The following AGAP1 variants were observed in gnomAD, a reference collection of about 807,000 sequenced individuals.
AGAP1 encodes the protein arf-GAP with GTPase, ANK repeat and PH domain-containing protein 1.
Under a neutral mutation model 105.3 loss-of-function variants are expected in AGAP1, and 29 were observed. The observed-to-expected ratio is 0.28, with a 90% CI of 0.21 to 0.38. AGAP1 has a LOEUF of 0.38. AGAP1 is among the 10% of genes least tolerant of loss of function. AGAP1 has a pLI of 1.00. For synonymous variants in AGAP1, 509 were observed against 485.9 expected, an observed-to-expected ratio of 1.05 and a Z score of -0.63; for missense variants, 998 against 1,165.1, an observed-to-expected ratio of 0.86 and a Z score of 2.09.
chr2:235,851,437 G>A (rs548833838), intron 9 of AGAP1, among the ~76,000 whole-genome samples: 41 of 152,276 alleles, frequency 2.7e-4, no homozygotes, highest in African/African-American at 9.1e-4. Flanking sequence ...AACTTCACCC[G>A]TCCACCAACG....
In AGAP1 at chr2:235,584,193, C is replaced by CTTTTTT. The variant is rs11447483; in HGVS notation, c.163+89355_163+89360dup. Among the ~76,000 whole-genome samples the CTTTTTT allele has an allele frequency of 2.2e-4, 31 of 139,986 alleles. 7 individuals carry two copies. Among genetic ancestry groups the CTTTTTT allele is most frequent in the Non-Finnish European group, 1.8e-4 (12 of 64,934 alleles). The allele number at this position is 139,986 out of a possible 152,430, so 91.8% of individuals were successfully genotyped here. ...TTGAAGCATGACCCTCAATAAACCA[C>CTTTTTT]TTTTTTTTTTTTTTTTGCATGGAAA... On this transcript the variant is annotated intron_variant, in intron 1 of 17. Transcript: ENST00000304032.
intron 9 of AGAP1, among the ~76,000 whole-genome samples, chr2:235,828,010 G>A (rs1163848076): frequency 6.6e-6 from 1 of 152,204 alleles, no homozygotes; most frequent in Non-Finnish European, 1.5e-5. Flanking sequence ...GGTCCTGACG[G>A]TGCAGTAGGG....
At chr2:235,844,640 T>C (rs1575600741) in intron 9 of AGAP1, among the ~76,000 whole-genome samples, 1 of 152,134 alleles carries the variant, frequency 6.6e-6, no homozygotes, top group African/African-American at 2.4e-5. Flanking sequence ...CCCTGACCGA[T>C]GTCTGCCTCC....
At chr2:235,806,565 G>T (rs1375449934) in intron 8 of AGAP1, among the ~76,000 whole-genome samples, 1 of 152,174 alleles carries the variant, frequency 6.6e-6, no homozygotes, top group Non-Finnish European at 1.5e-5. Context: ...GCAGTGCATC[G>T]GAGATAATTG....
At chr2:235,628,957 G>T (rs911009199) in intron 1 of AGAP1, among the ~76,000 whole-genome samples, 27 of 151,888 alleles carry the variant, frequency 1.8e-4, no homozygotes, top group Admixed American at 7.2e-4. Flanking sequence ...GATTACAGGC[G>T]CCTGCCACCA....
At chr2:235,643,576 T>C (rs983524807) in intron 1 of AGAP1, among the ~76,000 whole-genome samples, 6 of 152,022 alleles carry the variant, frequency 3.9e-5, no homozygotes, top group African/African-American at 1.2e-4. Flanking sequence ...GAAAACTCTC[T>C]TGGTTTGACA....
chr2:235,569,620 A>T lies in AGAP1; in HGVS notation c.163+74771A>T, dbSNP rs147337690. On this transcript the variant is annotated intron_variant, in intron 1 of 17. Coordinates refer to ENST00000304032, the MANE Select transcript of AGAP1 (RefSeq NM_001037131.3). The surrounding 1 kb of genome is among the most constrained non-coding windows in gnomAD (Gnocchi z 5.9). Reference sequence around the variant, plus strand: ...GATAGGTTTGGAGGATTCGAAGGACATCCCTGGAGGGGCTGTGCCCAGGTA... The same window carrying T: ...GATAGGTTTGGAGGATTCGAAGGACTTCCCTGGAGGGGCTGTGCCCAGGTA... Among the ~76,000 whole-genome samples the T allele has an allele frequency of 1.5e-3, 224 of 152,292 alleles. No individual in the cohort carries two copies. Among genetic ancestry groups the T allele is most frequent in the Non-Finnish European group, 2.6e-3 (174 of 68,020 alleles).
At chr2:235,903,602 G>A (rs570141913) in intron 10 of AGAP1, among the ~76,000 whole-genome samples, 90 of 152,276 alleles carry the variant, frequency 5.9e-4, no homozygotes, top group South Asian at 3.9e-3. Context: ...TTAACTTCAA[G>A]TGCCAAAGGC....
intron 1 of AGAP1, among the ~76,000 whole-genome samples, chr2:235,534,403 A>T (rs1351712951): frequency 6.6e-6 from 1 of 152,154 alleles, no homozygotes; most frequent in African/African-American, 2.4e-5. Context: ...CTGAGGACTC[A>T]TTGGATTAAA....
intron 16 of AGAP1, among the ~76,000 whole-genome samples, chr2:236,106,146 C>T (rs553236706): frequency 3.9e-4 from 59 of 152,350 alleles, no homozygotes; most frequent in African/African-American, 1.4e-3. Flanking sequence ...GGGCCCTAGG[C>T]ATCAGGATGT....
In AGAP1 at chr2:235,882,225, C is replaced by T; in HGVS notation, c.1051-1120C>T. 1 of 404,384 alleles carries T rather than the reference C, an allele frequency of 2.5e-6. No homozygotes were observed. The allele number at this position is 404,384 out of a possible 1,614,324, so 25.0% of individuals were successfully genotyped here. On this transcript the variant is annotated intron_variant, in intron 9 of 17. Coordinates refer to ENST00000304032, the MANE Select transcript of AGAP1 (RefSeq NM_001037131.3). This position sits in a 1 kb window ranked among gnomAD's most constrained non-coding sequence, Gnocchi z 4.6. ...GATTGGGGGTGGTCCTTCAGAGACC[C>T]ACAGGCCAGTGGCATCGGTGCAGAG...
At chr2:235,713,796 A>C (rs971798151) in intron 2 of AGAP1, among the ~76,000 whole-genome samples, 1 of 152,218 alleles carries the variant, frequency 6.6e-6, no homozygotes, top group Non-Finnish European at 1.5e-5. Context: ...TCTGGAGGCC[A>C]GGAAGTCCAA....
In AGAP1 at chr2:235,887,939, G is replaced by A. The variant is rs2050346312; in HGVS notation, c.1155+4490G>A. Reference sequence around the variant, plus strand: ...TCAGACAGAGATGAGATAGGGCCGTGCGGCAGCCCATCACCGGCAGCGCTT... The same window carrying A: ...TCAGACAGAGATGAGATAGGGCCGTACGGCAGCCCATCACCGGCAGCGCTT... On this transcript the variant is annotated intron_variant, in intron 10 of 17. Coordinates refer to ENST00000304032, the MANE Select transcript of AGAP1 (RefSeq NM_001037131.3). The surrounding 1 kb of genome is among the most constrained non-coding windows in gnomAD (Gnocchi z 4.1). 6.6e-6 allele frequency among the ~76,000 whole-genome samples: 1 copy of A among 152,142 alleles called. No homozygotes were observed. The highest frequency in any genetic ancestry group is 2.4e-5 in the African/African-American group (1 of 41,436).
At chr2:236,072,464 G>A (rs912472857) in intron 16 of AGAP1, 1 of 152,018 alleles carries the variant, frequency 6.6e-6, no homozygotes, top group Non-Finnish European at 1.5e-5. Context: ...AAAGAGATAG[G>A]GTCTCACCCT....
rs1040293985 is a variant in AGAP1, at chr2:235,635,214, C to A, written c.164-73965C>A. 5.3e-5 allele frequency among the ~76,000 whole-genome samples: 8 copies of A among 152,154 alleles called. No individual in the cohort carries two copies. Among genetic ancestry groups the A allele is most frequent in the African/African-American group, 1.9e-4 (8 of 41,434 alleles). On this transcript the variant is annotated intron_variant, in intron 1 of 17. Coordinates refer to ENST00000304032, the MANE Select transcript of AGAP1 (RefSeq NM_001037131.3). The surrounding 1 kb of genome is among the most constrained non-coding windows in gnomAD (Gnocchi z 5.3). Reference sequence around the variant, plus strand: ...CTTACCCTGACCCTGTGTGTGGCAGCAGTGGGTCGGTCAAACCTTTCCAAG... The same window carrying A: ...CTTACCCTGACCCTGTGTGTGGCAGAAGTGGGTCGGTCAAACCTTTCCAAG...
intron 16 of AGAP1, among the ~76,000 whole-genome samples, chr2:236,079,003 C>G (rs1017618775): frequency 2.0e-5 from 3 of 152,154 alleles, no homozygotes; most frequent in African/African-American, 7.2e-5. Flanking sequence ...GGGGAAGATA[C>G]CTGATGCCGG....
In AGAP1 at chr2:235,908,966, C is replaced by G. The variant is rs911134384; in HGVS notation, c.1324+60C>G. ...TCAACAGCAACAGGTGGTCCAGGCT[C>G]GAGGATAATGTTGGACTCCTAGGTT... On this transcript the variant is annotated intron_variant, in intron 11 of 17. Coordinates refer to ENST00000304032, the MANE Select transcript of AGAP1 (RefSeq NM_001037131.3). The surrounding 1 kb of genome is among the most constrained non-coding windows in gnomAD (Gnocchi z 4.4). 70 of 1,534,410 alleles carry G rather than the reference C, an allele frequency of 4.6e-5. No individual in the cohort carries two copies. In the Middle Eastern group the frequency reaches 8.9e-4, roughly 20 times the overall value.
chr2:235,638,989 T>TG (rs1324241014), intron 1 of AGAP1, among the ~76,000 whole-genome samples: 2 of 152,034 alleles, frequency 1.3e-5, no homozygotes, highest in Non-Finnish European at 2.9e-5. Flanking sequence ...AAATGTCCAC[T>TG]GGGGGGCAGA....
intron 13 of AGAP1, among the ~76,000 whole-genome samples, chr2:236,015,278 G>A (rs949515393): frequency 4.6e-5 from 7 of 152,118 alleles, no homozygotes; most frequent in East Asian, 1.9e-4. Context: ...ATAGTGTGCC[G>A]TGACATTTAA....
Sources: allele counts gnomAD v4.1 joint callset (sites outside exome capture counted in the v4.1 genomes callset), GRCh38; gene constraint gnomAD v4.1.1; non-coding constraint Gnocchi (gnomAD v3.1); transcripts MANE v1.5; gene names NCBI Gene and HGNC (gene_info 2026-07-23, HGNC 2026-07-21).